Variants in GRM3 observed in about 807,000 individuals in gnomAD.
The protein encoded by GRM3 is glutamate metabotropic receptor 3.
GRM3 carries 26 observed loss-of-function variants against 70.5 expected under a neutral mutation model. That is an observed-to-expected ratio of 0.37 (90% CI 0.27 to 0.51). GRM3 has a LOEUF of 0.51. Among genes scored for constraint, GRM3 ranks in the 20% least tolerant of loss-of-function variants. The pLI is 0.93. For missense variants in GRM3, 859 were observed against 1,123.8 expected, an observed-to-expected ratio of 0.76 and a Z score of 3.37; for synonymous variants, 443 against 434.9, an observed-to-expected ratio of 1.02 and a Z score of -0.23.
intron 5 of GRM3, among the ~76,000 whole-genome samples, chr7:86,854,826 T>A (rs1035956877): frequency 2.0e-5 from 3 of 152,134 alleles, no homozygotes; most frequent in African/African-American, 7.2e-5. Flanking sequence ...CTCTAGCCCA[T>A]CAAAGAGGAA....
Position 86,786,724 on chromosome 7 carries a change from A to T in GRM3, c.932A>T (p.Lys311Met). The T allele has an allele frequency of 6.2e-7, 1 of 1,613,326 alleles. No homozygotes were observed. Among genetic ancestry groups the T allele is most frequent in the South Asian group, 1.1e-5 (1 of 91,084 alleles). Residue 311 changes from lysine (K) to methionine (M), a missense_variant, in exon 3 of 6, where the codon AAG becomes ATG. By Grantham distance (95) the Lys-to-Met change is moderately conservative. Transcript: ENST00000361669. The surrounding 1 kb of genome is among the most constrained non-coding windows in gnomAD (Gnocchi z 6.0). ...DGWGAQESII[K>M]GSEHVAYGAI... ...TGGGGCGCGCAGGAGAGCATCATCAAGGGCAGCGAGCATGTGGCCTACGGC... is the reference window on the plus strand; with the variant it reads ...TGGGGCGCGCAGGAGAGCATCATCATGGGCAGCGAGCATGTGGCCTACGGC...
At chr7:86,721,334 AG>A in intron 1 of GRM3, among the ~76,000 whole-genome samples, 2 of 152,232 alleles carry the variant, frequency 1.3e-5, no homozygotes, top group South Asian at 4.1e-4. Context: ...TGAAATACCA[AG>A]TAAGAGAAAA....
At chr7:86,721,038 C>T (rs1275226582) in intron 1 of GRM3, among the ~76,000 whole-genome samples, 9 of 152,030 alleles carry the variant, frequency 5.9e-5, no homozygotes, top group African/African-American at 2.2e-4. Flanking sequence ...CCTTTGCTTG[C>T]CTCAGGCCCC....
At chr7:86,770,264 C>A (rs142191805) in intron 2 of GRM3, among the ~76,000 whole-genome samples, 1 of 152,184 alleles carries the variant, frequency 6.6e-6, no homozygotes, top group East Asian at 1.9e-4. Flanking sequence ...ACTTCAGGAA[C>A]AAATGAAGAT....
rs556295345 is a variant in GRM3 at position 86,864,693 on chromosome 7, A to G, written c.*338A>G. ...AAGAAAAAAATAAAAATACGGTGGC[A>G]ATATTATGTAACCTTTTTTCCTATG... is the stretch of plus-strand genomic sequence containing the variant. On this transcript the variant is annotated 3_prime_UTR_variant, in exon 6 of 6. Coordinates refer to ENST00000361669, the MANE Select transcript of GRM3 (RefSeq NM_000840.3). 1 of 186,278 alleles carries G rather than the reference A, an allele frequency of 5.4e-6. No homozygotes were observed. The highest frequency in any genetic ancestry group is 5.9e-5 in the Admixed American group (1 of 17,012). 11.5% of individuals were successfully genotyped at this position (186,278 alleles called of 1,614,324 possible).
In GRM3 at chr7:86,752,056, T is replaced by G. The variant is rs142628400; in HGVS notation, c.-140-12950T>G. 2.3e-3 allele frequency among the ~76,000 whole-genome samples: 346 copies of G among 152,238 alleles called. 2 individuals carry two copies. The highest frequency in any genetic ancestry group is 7.7e-3 in the African/African-American group (322 of 41,562). The stretch of plus-strand genomic sequence containing the variant: ...CATACAGAAAAATGCATGTCATAAT[T>G]GCACAGCTTTATGACTTTTCACAAA... On this transcript the variant is annotated intron_variant, in intron 1 of 5. Transcript: ENST00000361669.
At chr7:86,709,488 T>C (rs1243707685) in intron 1 of GRM3, among the ~76,000 whole-genome samples, 1 of 152,088 alleles carries the variant, frequency 6.6e-6, no homozygotes, top group Admixed American at 6.6e-5. Flanking sequence ...CAGTTTTGTA[T>C]GGCCCCTTTA....
rs1305441128 is a variant in GRM3, at chr7:86,837,025, A to G, written c.1325-1814A>G. On this transcript the variant is annotated intron_variant, in intron 3 of 5. Transcript: ENST00000361669. ...AAGAGATATATGTGATGGGTTTGTG[A>G]AGTGTGGTAGAAAGGAGGTGGAGGT... Among the ~76,000 whole-genome samples, 4 of 152,176 alleles carry G rather than the reference A, an allele frequency of 2.6e-5. No homozygotes were observed. In the East Asian group the frequency reaches 7.7e-4, roughly 29 times the overall value.
At chr7:86,750,395 CA>C (rs746045748) in intron 1 of GRM3, among the ~76,000 whole-genome samples, 4 of 151,920 alleles carry the variant, frequency 2.6e-5, no homozygotes, top group Non-Finnish European at 5.9e-5. Flanking sequence ...GCAACTTGGA[CA>C]AATCAAATGA....
chr7:86,715,883 AGAG>A (rs1795302782), intron 1 of GRM3, among the ~76,000 whole-genome samples: 1 of 152,056 alleles, frequency 6.6e-6, no homozygotes, highest in Non-Finnish European at 1.5e-5. Flanking sequence ...AGGGTGGGGT[AGAG>A]TATGACAAAG....
chr7:86,797,035 A>C (rs1797566973), intron 3 of GRM3, among the ~76,000 whole-genome samples: 1 of 152,164 alleles, frequency 6.6e-6, no homozygotes, highest in South Asian at 2.1e-4. Flanking sequence ...AGCCATGTGG[A>C]ATTGTGAGTC....
chr7:86,843,311 T>C (rs951149662), intron 4 of GRM3, among the ~76,000 whole-genome samples: 3 of 152,156 alleles, frequency 2.0e-5, no homozygotes, highest in Admixed American at 6.6e-5. Flanking sequence ...ATAGTAGTTT[T>C]TCTGATTCAA....
chr7:86,724,271 A>G (rs1329855765), intron 1 of GRM3, among the ~76,000 whole-genome samples: 1 of 152,158 alleles, frequency 6.6e-6, no homozygotes, highest in Non-Finnish European at 1.5e-5. Context: ...CACGACATCT[A>G]TAAAACTGCT....
intron 4 of GRM3, among the ~76,000 whole-genome samples, chr7:86,843,258 G>C (rs115032932): frequency 1.3e-5 from 2 of 152,126 alleles, no homozygotes; most frequent in African/African-American, 4.8e-5. Context: ...AGAAAGATGA[G>C]TAAACAGAGC....
intron 1 of GRM3, among the ~76,000 whole-genome samples, chr7:86,659,886 G>C (rs73398405): frequency 1.3e-5 from 2 of 151,998 alleles, no homozygotes; most frequent in African/African-American, 4.8e-5. Context: ...CATTAAAAGA[G>C]AAGAGGGTGA....
intron 3 of GRM3, among the ~76,000 whole-genome samples, chr7:86,808,073 C>G (rs995326446): frequency 1.3e-5 from 2 of 152,084 alleles, no homozygotes; most frequent in African/African-American, 4.8e-5. Flanking sequence ...GTTGAACCAG[C>G]CTTGCATCCC....
chr7:86,774,697 C>T (rs1796841182), intron 2 of GRM3, among the ~76,000 whole-genome samples: 2 of 152,092 alleles, frequency 1.3e-5, no homozygotes, highest in African/African-American at 4.8e-5. Flanking sequence ...TGTGTTTACA[C>T]AAAGGACTAG....
rs1794423294 is a variant in GRM3, at chr7:86,680,772, C to T, written c.-141+35900C>T. 3.3e-5 allele frequency among the ~76,000 whole-genome samples: 5 copies of T among 152,060 alleles called. No individual in the cohort carries two copies. In the South Asian group the frequency reaches 1.0e-3, roughly 32 times the overall value. On this transcript the variant is annotated intron_variant, in intron 1 of 5. Coordinates refer to ENST00000361669, the MANE Select transcript of GRM3 (RefSeq NM_000840.3). ...TGACTTGTTCTTAGAGCTCCCAGCC[C>T]CTTCCCATTTCACATGCTCTCAGAT...
intron 3 of GRM3, among the ~76,000 whole-genome samples, chr7:86,835,211 A>G (rs1012401118): frequency 6.6e-6 from 1 of 152,064 alleles, no homozygotes; most frequent in Non-Finnish European, 1.5e-5. Context: ...GTACTTTATA[A>G]TTTTCACTTA....
Sources: allele counts gnomAD v4.1 joint callset (sites outside exome capture counted in the v4.1 genomes callset), GRCh38; gene constraint gnomAD v4.1.1; non-coding constraint Gnocchi (gnomAD v3.1); transcripts MANE v1.5; gene names NCBI Gene and HGNC (gene_info 2026-07-23, HGNC 2026-07-21).